The following NLE1 variants were observed in gnomAD, a reference collection of about 807,000 sequenced individuals.
The protein encoded by NLE1 is notchless protein homolog 1.
In NLE1, 37 loss-of-function variants were observed where a neutral mutation model predicts 62.8. That is an observed-to-expected ratio of 0.59 (90% CI 0.45 to 0.78). The LOEUF (loss-of-function observed/expected upper bound fraction) is 0.78. Ranked by LOEUF, NLE1 falls within the 30% of genes least tolerant of loss-of-function variation. The pLI is 0.00. For synonymous variants in NLE1, 243 were observed against 253.0 expected (o/e 0.96, Z 0.37); for missense variants, 555 against 637.9 (o/e 0.87, Z 1.40).
intron 4 of NLE1, 61 bp from the exon 5 acceptor site, chr17:35,137,951 C>A: frequency 4.0e-6 from 5 of 1,239,248 alleles, no homozygotes; most frequent in Non-Finnish European, 4.7e-6. Context: ...AAGTGCCCAG[C>A]AGTGCCTGTC....
chr17:35,135,415 C>T lies in NLE1; in HGVS notation c.1048G>A (p.Asp350Asn), dbSNP rs763610630. Reference protein sequence around the residue: ...GPERLVSGSDDFTLFLWSPAE... With the variant: ...GPERLVSGSDNFTLFLWSPAE... ...GGGGACCACAGGAATAAGGTGAAGT[C>T]GTCGGAGCCAGACACCAGCCTCTCT... Residue 350 changes from aspartate (D) to asparagine (N), a missense_variant, in exon 10 of 13, where the codon GAC (aspartate) becomes AAC (asparagine). Transcript: ENST00000442241. 4.3e-6 allele frequency: 7 copies of T among 1,613,974 alleles called. No homozygotes were observed. Among genetic ancestry groups the T allele is most frequent in the African/African-American group, 1.3e-5 (1 of 74,922 alleles).
In NLE1 at chr17:35,129,166, A is replaced by ATCTC; in HGVS notation, c.*3270_*3271insGAGA. On this transcript the variant is annotated 3_prime_UTR_variant, in exon 13 of 13. Transcript: ENST00000442241. Reference sequence around the variant, plus strand: ...CTATCAGTTGGTGGCCCAAGGGTTGAGGACCCCTGGCGTATAAGAAATATG... The same window carrying ATCTC: ...CTATCAGTTGGTGGCCCAAGGGTTGATCTCGGACCCCTGGCGTATAAGAAATATG... 2.3e-6 allele frequency: 1 copy of ATCTC among 432,916 alleles called. No individual in the cohort carries two copies. Among genetic ancestry groups the ATCTC allele is most frequent in the Non-Finnish European group, 4.3e-6 (1 of 234,968 alleles). The allele number at this position is 432,916 out of a possible 1,614,324, so 26.8% of individuals were successfully genotyped here.
At chr17:35,141,894 T>C in intron 2 of NLE1, 85 bp downstream of exon 2, 1 of 1,435,210 alleles carries the variant, frequency 7.0e-7, no homozygotes, top group South Asian at 1.3e-5. Context: ...CGGGGGACCA[T>C]GAACCGCAGA....
rs561820014 is a variant in NLE1, at chr17:35,132,285, C to T, written c.*152G>A. 114 of 540,966 alleles carry T rather than the reference C, an allele frequency of 2.1e-4. No individual in the cohort carries two copies. The highest frequency in any genetic ancestry group is 1.8e-3 in the African/African-American group (91 of 50,670). The allele number at this position is 540,966 out of a possible 1,614,324, so 33.5% of individuals were successfully genotyped here. On this transcript the variant is annotated 3_prime_UTR_variant, in exon 13 of 13. Coordinates refer to ENST00000442241, the MANE Select transcript of NLE1 (RefSeq NM_018096.5). ...GGGGATCTGTGGGAAAACCCCATTC[C>T]GGTCTATCGAGGACAGCAGGCCACA...
intron 7 of NLE1, 61 bp downstream of exon 7, chr17:35,136,940 G>T: frequency 1.4e-6 from 2 of 1,436,922 alleles, no homozygotes; most frequent in Non-Finnish European, 1.9e-6. Flanking sequence ...GTCATTCTGA[G>T]TGCCAGCATC....
chr17:35,136,294 T>C, intron 8 of NLE1, 68 bp downstream of exon 8: 1 of 1,610,116 alleles, frequency 6.2e-7, no homozygotes, highest in Non-Finnish European at 8.5e-7. Context: ...GAGCAAACAC[T>C]CCCCATTAAG....
chr17:35,136,141 G>A, intron 9 of NLE1, 28 bp downstream of exon 9: 1 of 1,613,096 alleles, frequency 6.2e-7, no homozygotes, highest in Non-Finnish European at 8.5e-7. Context: ...TACAGAGCTA[G>A]GGGTGCACGT....
intron 2 of NLE1, among the ~76,000 whole-genome samples, chr17:35,141,275 C>A (rs574432350): frequency 6.6e-6 from 1 of 152,234 alleles, no homozygotes; most frequent in South Asian, 2.1e-4. Flanking sequence ...AGGCCGGGTG[C>A]GGTGGCTCAC....
At chr17:35,132,750 T>C (rs1178774653) in intron 12 of NLE1, among the ~76,000 whole-genome samples, 2 of 152,208 alleles carry the variant, frequency 1.3e-5, no homozygotes, top group Non-Finnish European at 2.9e-5. Context: ...ATCCTGTCTG[T>C]GAAGGTTTGA....
chr17:35,138,604 C>T (rs562869367), intron 4 of NLE1, among the ~76,000 whole-genome samples: 13 of 152,196 alleles, frequency 8.5e-5, no homozygotes, highest in Non-Finnish European at 1.2e-4. Context: ...CCACCATGCC[C>T]GGCTAATTTT....
At chr17:35,137,689 T>G (rs776576907) in intron 5 of NLE1, 49 bp from the exon 6 acceptor site, 11 of 1,542,076 alleles carry the variant, frequency 7.1e-6, no homozygotes, top group South Asian at 1.1e-5. Flanking sequence ...GGTCTCTGGC[T>G]CCACCAAAAT....
chr17:35,129,845 G>A lies in NLE1; in HGVS notation c.*2592C>T, dbSNP rs1042668357. On this transcript the variant is annotated 3_prime_UTR_variant, in exon 13 of 13. Coordinates refer to ENST00000442241, the MANE Select transcript of NLE1 (RefSeq NM_018096.5). Reference sequence around the variant, plus strand: ...GGAGGTTTAAGGATTAAGCCACTCTGGGGCCCACTAGGAATGCAAACGAAT... The same window carrying A: ...GGAGGTTTAAGGATTAAGCCACTCTAGGGCCCACTAGGAATGCAAACGAAT... The A allele has an allele frequency of 2.1e-6, 3 of 1,427,360 alleles. No homozygotes were observed. In the African/African-American group the frequency reaches 4.3e-5, roughly 21 times the overall value. 88.4% of individuals were successfully genotyped at this position (1,427,360 alleles called of 1,614,324 possible).
chr17:35,139,905 G>A lies in NLE1; in HGVS notation c.324C>T (p.Ser108=). The change falls in exon 3 of 13, where the codon AGC becomes AGT. Residue 108 remains serine, a synonymous_variant. Coordinates refer to ENST00000442241, the MANE Select transcript of NLE1 (RefSeq NM_018096.5). Reference sequence around the variant, plus strand: ...CTGCCTCACTGTGACCCTCCAAGGAGCTGGTGCAGCGAGTCACAGCCCGGA... The same window carrying A: ...CTGCCTCACTGTGACCCTCCAAGGAACTGGTGCAGCGAGTCACAGCCCGGA... ...FRVRAVTRCT[S]SLEGHSEAVI... is the part of the protein sequence containing the mutation. 1 of 1,614,100 alleles carries A rather than the reference G, an allele frequency of 6.2e-7. No individual in the cohort carries two copies. The highest frequency in any genetic ancestry group is 1.1e-5 in the South Asian group (1 of 91,078).
At chr17:35,135,199 C>T (rs1288210995) in intron 10 of NLE1, 50 bp downstream of exon 10, 2 of 1,574,402 alleles carry the variant, frequency 1.3e-6, no homozygotes, top group African/African-American at 2.7e-5. Context: ...AGTGCCAAGC[C>T]CCTCCCACCA....
intron 9 of NLE1, 31 bp downstream of exon 9, chr17:35,136,138 C>A: frequency 6.2e-7 from 1 of 1,612,860 alleles, no homozygotes; most frequent in Non-Finnish European, 8.5e-7. Context: ...TGGTACAGAG[C>A]TAGGGGTGCA....
At chr17:35,136,662 A>G (rs563693640) in intron 7 of NLE1, among the ~76,000 whole-genome samples, 165 bp from the exon 8 acceptor site, 109 of 152,330 alleles carry the variant, frequency 7.2e-4, no homozygotes, top group Middle Eastern at 6.8e-3. Flanking sequence ...TGTAAAATGG[A>G]GTCCAGATCA....
intron 12 of NLE1, 148 bp downstream of exon 12, chr17:35,133,023 C>A: frequency 1.3e-6 from 1 of 773,062 alleles, no homozygotes; most frequent in Middle Eastern, 2.5e-4. Flanking sequence ...CACTTGCCCA[C>A]TGAGAATCTG....
chr17:35,129,405 GCT>G lies in NLE1; in HGVS notation c.*3030_*3031del, dbSNP rs753326130. The G allele has an allele frequency of 8.1e-6, 13 of 1,611,018 alleles. No homozygotes were observed. The highest frequency in any genetic ancestry group is 6.7e-5 in the Admixed American group (4 of 59,914). On this transcript the variant is annotated 3_prime_UTR_variant, in exon 13 of 13. Coordinates refer to ENST00000442241, the MANE Select transcript of NLE1 (RefSeq NM_018096.5). ...AGGACATATCTGAGGAAGCCTCGGG[GCT>G]CTCTCTTCCCCTAGATTTCCTGGAC...
intron 2 of NLE1, 35 bp downstream of exon 2, chr17:35,141,944 G>A (rs907289528): frequency 7.1e-6 from 11 of 1,543,808 alleles, no homozygotes; most frequent in African/African-American, 1.4e-5. Flanking sequence ...CCGCCCGGGG[G>A]TGGAGATGCG....
Sources: allele counts gnomAD v4.1 joint callset (sites outside exome capture counted in the v4.1 genomes callset), GRCh38; gene constraint gnomAD v4.1.1; transcripts MANE v1.5; gene names NCBI Gene and HGNC (gene_info 2026-07-23, HGNC 2026-07-21).